The following DPP10 variants were observed in gnomAD, a reference collection of about 807,000 sequenced individuals.
DPP10 encodes dipeptidyl peptidase like 10.
Under a neutral mutation model 120.9 loss-of-function variants are expected in DPP10, and 33 were observed. That is an observed-to-expected ratio of 0.27 (90% CI 0.21 to 0.37). DPP10 has a LOEUF of 0.37. Among genes scored for constraint, DPP10 ranks in the 10% least tolerant of loss-of-function variants. The pLI, the probability that DPP10 is intolerant of heterozygous loss-of-function variation, is 1.00. For synonymous variants in DPP10, 337 were observed against 326.1 expected, an observed-to-expected ratio of 1.03 and a Z score of -0.36; for missense variants, 816 against 942.8, an observed-to-expected ratio of 0.87 and a Z score of 1.76.
At chr2:114,655,186 T>C (rs997404015) in intron 1 of DPP10, among the ~76,000 whole-genome samples, 30 of 152,166 alleles carry the variant, frequency 2.0e-4, no homozygotes, top group African/African-American at 7.2e-4. Context: ...GCTATTATGA[T>C]TGGTATTCTT....
At chr2:115,503,101 C>T (rs557226496) in intron 4 of DPP10, among the ~76,000 whole-genome samples, 117 of 152,184 alleles carry the variant, frequency 7.7e-4, no homozygotes, top group Non-Finnish European at 1.3e-3. Context: ...TATTTAAATA[C>T]ATTCTACTAA....
chr2:115,469,254 G>A (rs995920419), intron 3 of DPP10, among the ~76,000 whole-genome samples: 1 of 151,990 alleles, frequency 6.6e-6, no homozygotes, highest in African/African-American at 2.4e-5. Context: ...TATTTAGAAG[G>A]GCATGAAGAA....
At chr2:115,121,997 C>T (rs2049849233) in intron 1 of DPP10, among the ~76,000 whole-genome samples, 2 of 152,150 alleles carry the variant, frequency 1.3e-5, no homozygotes, top group South Asian at 4.1e-4. Context: ...GGGTCATGTC[C>T]TGTGGTGTGC....
At chr2:114,865,840 C>T (rs538313641) in intron 1 of DPP10, among the ~76,000 whole-genome samples, 13 of 152,224 alleles carry the variant, frequency 8.5e-5, no homozygotes, top group South Asian at 2.1e-4. Flanking sequence ...TGGCCAGACA[C>T]GGTGGTTCAC....
chr2:115,283,774 C>T (rs1051416270), intron 1 of DPP10, among the ~76,000 whole-genome samples: 4 of 152,052 alleles, frequency 2.6e-5, no homozygotes, highest in African/African-American at 9.7e-5. Flanking sequence ...ACATATATGA[C>T]AGTGGTTCAA....
At chr2:114,629,889 A>C (rs1694791402) in intron 1 of DPP10, among the ~76,000 whole-genome samples, 1 of 152,218 alleles carries the variant, frequency 6.6e-6, no homozygotes, top group Non-Finnish European at 1.5e-5. Flanking sequence ...ATAAGTTTTG[A>C]ATATCCTTTC....
chr2:115,521,053 A>G (rs889412332), intron 4 of DPP10, among the ~76,000 whole-genome samples: 2 of 152,232 alleles, frequency 1.3e-5, no homozygotes, highest in Admixed American at 1.3e-4. Flanking sequence ...AGGACAGGGA[A>G]GGCTTAAAGG....
intron 4 of DPP10, among the ~76,000 whole-genome samples, chr2:115,509,437 G>A (rs1407325941): frequency 6.6e-6 from 1 of 152,166 alleles, no homozygotes; most frequent in Admixed American, 6.6e-5. Flanking sequence ...GGAATTCTGG[G>A]TGAGAACCAG....
chr2:114,590,609 AT>A (rs1380304279), intron 1 of DPP10, among the ~76,000 whole-genome samples: 1 of 152,234 alleles, frequency 6.6e-6, no homozygotes, highest in East Asian at 1.9e-4. Flanking sequence ...TTTCAATGGT[AT>A]AAATACTCCC....
At chr2:115,265,809 TG>T (rs1397044497) in intron 1 of DPP10, among the ~76,000 whole-genome samples, 2 of 152,114 alleles carry the variant, frequency 1.3e-5, no homozygotes, top group African/African-American at 4.8e-5. Flanking sequence ...CCAGGCGCGG[TG>T]GCTCACGCCT....
At chr2:115,824,176 A>T (rs573997387) in intron 21 of DPP10, among the ~76,000 whole-genome samples, 31 of 152,268 alleles carry the variant, frequency 2.0e-4, no homozygotes, top group African/African-American at 6.0e-4. Flanking sequence ...TATGAAATTT[A>T]AAAAAATGCT....
At chr2:114,705,698 A>T (rs546659950) in intron 1 of DPP10, among the ~76,000 whole-genome samples, 1 of 152,346 alleles carries the variant, frequency 6.6e-6, no homozygotes, top group East Asian at 1.9e-4. Flanking sequence ...AAAAATAAAA[A>T]GAGACCATGA....
intron 1 of DPP10, among the ~76,000 whole-genome samples, chr2:114,902,156 T>C (rs1693627052): frequency 6.6e-6 from 1 of 152,196 alleles, no homozygotes; most frequent in South Asian, 2.1e-4. Flanking sequence ...TTCTGAGACT[T>C]TTTGATGGAA....
intron 1 of DPP10, among the ~76,000 whole-genome samples, chr2:115,024,253 T>C (rs1176600127): frequency 6.6e-6 from 1 of 152,140 alleles, no homozygotes; most frequent in Non-Finnish European, 1.5e-5. Flanking sequence ...GAGTCTTGGT[T>C]TTTAATCTTA....
intron 1 of DPP10, among the ~76,000 whole-genome samples, chr2:114,530,798 A>G (rs1685909052): frequency 6.6e-6 from 1 of 152,174 alleles, no homozygotes; most frequent in South Asian, 2.1e-4. Context: ...AGAATTAATT[A>G]AACATAAAAA....
intron 19 of DPP10, among the ~76,000 whole-genome samples, chr2:115,804,504 G>A (rs546988580): frequency 2.6e-5 from 4 of 152,312 alleles, no homozygotes; most frequent in Admixed American, 6.5e-5. Context: ...GAGGAGAGGC[G>A]CTCTGGTTTT....
chr2:115,750,089 C>T lies in DPP10; in HGVS notation c.951-3085C>T, dbSNP rs1678508709. 6.1e-6 allele frequency: 6 copies of T among 985,410 alleles called. No homozygotes were observed. In the South Asian group the frequency reaches 2.8e-4, roughly 46 times the overall value. 61.0% of individuals were successfully genotyped at this position (985,410 alleles called of 1,614,324 possible). ...CAGTTATAAGAAAGGGACACTTCTG[C>T]TGGCCACTGGTCGTGGAACACCAGA... On this transcript the variant is annotated intron_variant, in intron 10 of 25. Transcript: ENST00000410059.
intron 1 of DPP10, among the ~76,000 whole-genome samples, chr2:115,108,228 G>A (rs1480758593): frequency 6.6e-6 from 1 of 152,122 alleles, no homozygotes; most frequent in Non-Finnish European, 1.5e-5. Context: ...TGTAAATCTG[G>A]AGTAGAATTT....
At chr2:115,313,513 G>A (rs1354229429) in intron 2 of DPP10, among the ~76,000 whole-genome samples, 1 of 152,150 alleles carries the variant, frequency 6.6e-6, no homozygotes, top group African/African-American at 2.4e-5. Flanking sequence ...AATATATTTA[G>A]TGGGTTGGTT....
Sources: gnomAD v4.1 joint callset for allele counts (sites outside exome capture counted in the v4.1 genomes callset) on GRCh38, gnomAD v4.1.1 for gene constraint, MANE v1.5 for transcripts, NCBI Gene and HGNC (gene_info 2026-07-23, HGNC 2026-07-21) for gene names.